Variants in CDH13 observed in about 807,000 individuals in gnomAD.
The protein encoded by CDH13 is cadherin-13.
In CDH13, 24 loss-of-function variants were observed where a neutral mutation model predicts 63.8. The observed-to-expected ratio is 0.38, with a 90% CI of 0.27 to 0.53. CDH13 has a LOEUF of 0.53. Ranked by LOEUF, CDH13 falls within the 20% of genes least tolerant of loss-of-function variation. CDH13 has a pLI of 0.85. For missense variants in CDH13, 1,049 were observed against 903.1 expected (o/e 1.16, Z -2.07); for synonymous variants, 503 against 355.3 (o/e 1.42, Z -4.67).
At chr16:83,728,278 C>T (rs1185599658) in intron 10 of CDH13, among the ~76,000 whole-genome samples, 1 of 151,596 alleles carries the variant, frequency 6.6e-6, no homozygotes. Context: ...GCCTGTGAGC[C>T]GTAAGCGGTG....
chr16:82,658,550 G>A (rs8046366), intron 1 of CDH13, among the ~76,000 whole-genome samples: 61,368 of 152,066 alleles, frequency 0.4, 13,568 homozygotes, highest in African/African-American at 0.56. Flanking sequence ...TTGCACCTCC[G>A]TTGCTTATTA....
intron 5 of CDH13, among the ~76,000 whole-genome samples, chr16:83,284,640 G>A (rs966546570): frequency 1.3e-5 from 2 of 151,758 alleles, no homozygotes; most frequent in Middle Eastern, 3.4e-3. Flanking sequence ...GAAAAAAATG[G>A]CAAAGTGTTT....
chr16:82,907,524 G>A (rs1300431744), intron 2 of CDH13, among the ~76,000 whole-genome samples: 1 of 152,116 alleles, frequency 6.6e-6, no homozygotes, highest in Non-Finnish European at 1.5e-5. Flanking sequence ...ACCAACAATG[G>A]TCAGTTATAT....
chr16:83,475,587 T>C (rs1161328766), intron 6 of CDH13, among the ~76,000 whole-genome samples: 1 of 152,172 alleles, frequency 6.6e-6, no homozygotes, highest in African/African-American at 2.4e-5. Context: ...TTGTTGTTGT[T>C]GTTACTGTTT....
intron 1 of CDH13, among the ~76,000 whole-genome samples, chr16:82,761,936 C>T (rs747314376): frequency 3.9e-5 from 6 of 152,158 alleles, no homozygotes; most frequent in Non-Finnish European, 8.8e-5. Flanking sequence ...TCTGTTTACA[C>T]TGAGTTTTCA....
chr16:82,633,623 TG>T (rs1473528831), intron 1 of CDH13, among the ~76,000 whole-genome samples: 1 of 152,166 alleles, frequency 6.6e-6, no homozygotes, highest in African/African-American at 2.4e-5. Context: ...GTGATCCACC[TG>T]CCTCGGCCTC....
chr16:83,584,755 G>A (rs1218005069), intron 7 of CDH13, among the ~76,000 whole-genome samples: 3 of 152,168 alleles, frequency 2.0e-5, no homozygotes, highest in African/African-American at 7.2e-5. Flanking sequence ...AAAGAAAACA[G>A]GTTTAATTGG....
chr16:82,973,100 C>T (rs1428040702), intron 2 of CDH13, among the ~76,000 whole-genome samples: 3 of 152,182 alleles, frequency 2.0e-5, no homozygotes, highest in Non-Finnish European at 2.9e-5. Context: ...TTCTGCCACT[C>T]TTCTGGATTG....
chr16:83,403,902 G>A (rs1385121423), intron 6 of CDH13, among the ~76,000 whole-genome samples: 6 of 152,230 alleles, frequency 3.9e-5, no homozygotes, highest in South Asian at 2.1e-4. Context: ...CACTTGAAAT[G>A]TTCGGGCATG....
At chr16:83,358,865 C>T (rs2091105825) in intron 6 of CDH13, among the ~76,000 whole-genome samples, 1 of 152,096 alleles carries the variant, frequency 6.6e-6, no homozygotes, top group South Asian at 2.1e-4. Context: ...AACCCCACTG[C>T]CTTATGATGG....
At chr16:83,556,706 G>A (rs1448256349) in intron 7 of CDH13, among the ~76,000 whole-genome samples, 1 of 152,196 alleles carries the variant, frequency 6.6e-6, no homozygotes, top group Non-Finnish European at 1.5e-5. Context: ...CATCAAGAAT[G>A]TCACTTAGAA....
At chr16:83,043,228 T>A (rs1369264572) in intron 3 of CDH13, among the ~76,000 whole-genome samples, 2 of 152,154 alleles carry the variant, frequency 1.3e-5, no homozygotes, top group African/African-American at 4.8e-5. Flanking sequence ...ACTTTAAGGA[T>A]CAGAATCTAA....
At chr16:82,925,315 G>A (rs919497100) in intron 2 of CDH13, among the ~76,000 whole-genome samples, 4 of 152,160 alleles carry the variant, frequency 2.6e-5, no homozygotes, top group African/African-American at 7.2e-5. Flanking sequence ...CAGTTATGAC[G>A]TTGTTACTGC....
chr16:83,094,459 A>G (rs1449884492), intron 3 of CDH13, among the ~76,000 whole-genome samples: 4 of 152,182 alleles, frequency 2.6e-5, no homozygotes, highest in Admixed American at 2.0e-4. Context: ...TAAGATGAGG[A>G]GAACCCTTCT....
At chr16:83,481,252 C>T (rs570723062) in intron 6 of CDH13, among the ~76,000 whole-genome samples, 54 of 152,288 alleles carry the variant, frequency 3.5e-4, no homozygotes, top group African/African-American at 1.2e-3. Context: ...TGTCTCAATA[C>T]GTGATTCGCT....
chr16:83,314,268 T>C (rs888703124), intron 5 of CDH13, among the ~76,000 whole-genome samples: 1 of 151,100 alleles, frequency 6.6e-6, no homozygotes, highest in Non-Finnish European at 1.5e-5. Context: ...CCAGCTAGGG[T>C]GATGATTCAC....
chr16:83,766,051 A>T (rs1443214429), intron 11 of CDH13, among the ~76,000 whole-genome samples: 1 of 152,164 alleles, frequency 6.6e-6, no homozygotes, highest in Non-Finnish European at 1.5e-5. Flanking sequence ...GGCTCCTCTC[A>T]GATGGGCCCA....
At chr16:83,431,988 T>A (rs570380576) in intron 6 of CDH13, among the ~76,000 whole-genome samples, 25 of 152,174 alleles carry the variant, frequency 1.6e-4, no homozygotes, top group Non-Finnish European at 3.2e-4. Context: ...AATGGATCCT[T>A]CTGGCCACTT....
chr16:82,982,016 A>C (rs1910328721), intron 2 of CDH13, among the ~76,000 whole-genome samples: 1 of 152,224 alleles, frequency 6.6e-6, no homozygotes, highest in African/African-American at 2.4e-5. Context: ...CAGGAAGTAT[A>C]GCATTCTAAC....
Sources: allele counts gnomAD v4.1 joint callset (sites outside exome capture counted in the v4.1 genomes callset), GRCh38; gene constraint gnomAD v4.1.1; transcripts MANE v1.5; gene names NCBI Gene and HGNC (gene_info 2026-07-23, HGNC 2026-07-21).